DDX19A: variants seen among roughly 807,000 people sequenced by gnomAD.
DDX19A encodes DEAD-box helicase 19A.
DDX19A carries 12 observed loss-of-function variants against 60.6 expected under a neutral mutation model. That is an observed-to-expected ratio of 0.20 (90% confidence interval 0.13 to 0.32). The LOEUF is 0.32. Among genes scored for constraint, DDX19A ranks in the 10% least tolerant of loss-of-function variants. The pLI, the probability that DDX19A is intolerant of heterozygous loss-of-function variation, is 1.00. For synonymous variants in DDX19A, 206 were observed against 218.2 expected (o/e 0.94, Z 0.49); for missense variants, 337 against 600.6 (o/e 0.56, Z 4.59).
intron 1 of DDX19A, among the ~76,000 whole-genome samples, chr16:70,350,337 T>A (rs1963973347): frequency 6.6e-6 from 1 of 152,142 alleles, no homozygotes; most frequent in South Asian, 2.1e-4. Context: ...ACCATTATAT[T>A]TAGTCCACCC....
At chr16:70,358,733 G>T (rs1444095365) in intron 4 of DDX19A, among the ~76,000 whole-genome samples, 1 of 152,060 alleles carries the variant, frequency 6.6e-6, no homozygotes, top group African/African-American at 2.4e-5. Flanking sequence ...TGTAGTCCCG[G>T]CTACTCAGGA....
chr16:70,362,590 C>T (rs1338870083), intron 5 of DDX19A, among the ~76,000 whole-genome samples: 1 of 151,978 alleles, frequency 6.6e-6, no homozygotes, highest in East Asian at 1.9e-4. Context: ...AGACTAAGTT[C>T]CTTTTGAGAC....
At chr16:70,359,845 G>A (rs577631340) in intron 4 of DDX19A, among the ~76,000 whole-genome samples, 17 of 152,162 alleles carry the variant, frequency 1.1e-4, no homozygotes, top group African/African-American at 3.4e-4. Flanking sequence ...GAGTGAGAAC[G>A]TCTCTCAGAA....
intron 2 of DDX19A, among the ~76,000 whole-genome samples, chr16:70,352,115 A>T (rs1455273880): frequency 1.3e-5 from 2 of 152,080 alleles, no homozygotes; most frequent in Non-Finnish European, 2.9e-5. Context: ...CTGTTCATGG[A>T]TTTTTAATAT....
chr16:70,358,441 A>T (rs974401687), intron 4 of DDX19A, among the ~76,000 whole-genome samples: 2 of 149,874 alleles, frequency 1.3e-5, no homozygotes, highest in African/African-American at 4.9e-5. Context: ...AATTGCTAGG[A>T]TTACAGGTGT....
chr16:70,366,672 A>G lies in DDX19A; in HGVS notation c.831A>G (p.Glu277=), dbSNP rs2151642825. Residue 277 remains glutamate (E), a synonymous_variant, in exon 9 of 12, where the codon GAA becomes GAG. Transcript: ENST00000302243. ...TGCTGCTTTTCTCCGCCACCTTTGA[A>G]GACTCTGTGTGGAAGTTTGCCCAGA... is the stretch of plus-strand genomic sequence containing the variant. ...CQMLLFSATF[E]DSVWKFAQKV... is the part of the protein sequence containing the mutation. The G allele has an allele frequency of 1.2e-6, 2 of 1,614,200 alleles. No individual in the cohort carries two copies. Among genetic ancestry groups the G allele is most frequent in the East Asian group, 2.2e-5 (1 of 44,878 alleles).
At position 70,364,658 on chromosome 16, in the gene DDX19A, G is replaced by A; in HGVS notation, c.489+13G>A. 2 of 1,606,538 alleles carry A rather than the reference G, an allele frequency of 1.2e-6. No homozygotes were observed. Among genetic ancestry groups the A allele is most frequent in the East Asian group, 2.2e-5 (1 of 44,846 alleles). ...CAGATACCCCCAGGTGAGGGCTTGCGGGGCTGGGTGTCCTAGGTTGCCTGC... is the reference window on the plus strand; with the variant it reads ...CAGATACCCCCAGGTGAGGGCTTGCAGGGCTGGGTGTCCTAGGTTGCCTGC... On this transcript the variant is annotated intron_variant, in intron 6 of 11. Coordinates refer to ENST00000302243, the MANE Select transcript of DDX19A (RefSeq NM_018332.5).
chr16:70,370,892 A>G, intron 10 of DDX19A: 1 of 205,062 alleles, frequency 4.9e-6, no homozygotes. Context: ...GCTACTCAGG[A>G]GGCTGAGACA....
At chr16:70,362,253 G>C (rs1488184184) in intron 5 of DDX19A, among the ~76,000 whole-genome samples, 1 of 150,226 alleles carries the variant, frequency 6.7e-6, no homozygotes, top group Admixed American at 6.7e-5. Flanking sequence ...AGCTGAGGCA[G>C]GAGAATTGCT....
Position 70,370,253 on chromosome 16 carries a change from G to C in DDX19A, c.1051G>C (p.Glu351Gln), listed in dbSNP as rs752248645. 6.2e-7 allele frequency: 1 copy of C among 1,613,968 alleles called. No individual in the cohort carries two copies. Among genetic ancestry groups the C allele is most frequent in the South Asian group, 1.1e-5 (1 of 91,078 alleles). Reference sequence around the variant, plus strand: ...CAAAACAGCTAGTTGGCTGGCAGCAGAGCTCTCAAAAGAAGGCCACCAGGT... The same window carrying C: ...CAAAACAGCTAGTTGGCTGGCAGCACAGCTCTCAAAAGAAGGCCACCAGGT... ...TRKTASWLAA[E>Q]LSKEGHQVAL... The change falls in exon 10 of 12, where the codon GAG becomes CAG. Residue 351 changes from glutamate to glutamine, a missense_variant. Transcript: ENST00000302243.
At chr16:70,350,200 C>T (rs1001310061) in intron 1 of DDX19A, among the ~76,000 whole-genome samples, 1 of 152,122 alleles carries the variant, frequency 6.6e-6, no homozygotes. Flanking sequence ...CCGCAGTGAG[C>T]CATGATCGTG....
At chr16:70,347,951 A>G (rs1046875382) in intron 1 of DDX19A, 2 of 442,406 alleles carry the variant, frequency 4.5e-6, no homozygotes, top group Non-Finnish European at 9.1e-6. Context: ...CGGCCTCCCA[A>G]AGTGCTGGGA....
At chr16:70,369,177 T>G (rs866089750) in intron 9 of DDX19A, among the ~76,000 whole-genome samples, 2 of 133,046 alleles carry the variant, frequency 1.5e-5, no homozygotes, top group African/African-American at 3.1e-5. Flanking sequence ...AATCTGGTTT[T>G]TTTTTTTTTT....
chr16:70,356,950 CAAA>C (rs762319360), intron 4 of DDX19A: 2,142 of 474,174 alleles, frequency 4.5e-3, no homozygotes, highest in South Asian at 7.4e-3. Context: ...TTTTTTTTTA[CAAA>C]AAAAAAAAAA....
In DDX19A at chr16:70,364,664, G is replaced by C. The variant is rs757806137; in HGVS notation, c.489+19G>C. The C allele has an allele frequency of 3.1e-6, 5 of 1,599,002 alleles. No individual in the cohort carries two copies. Among genetic ancestry groups the C allele is most frequent in the Admixed American group, 1.7e-5 (1 of 59,952 alleles). On this transcript the variant is annotated intron_variant, in intron 6 of 11. Coordinates refer to ENST00000302243, the MANE Select transcript of DDX19A (RefSeq NM_018332.5). ...CCCCCAGGTGAGGGCTTGCGGGGCT[G>C]GGTGTCCTAGGTTGCCTGCCCTGGG...
chr16:70,355,334 C>T, intron 2 of DDX19A, 151 bp from the exon 3 acceptor site: 1 of 598,796 alleles, frequency 1.7e-6, no homozygotes, highest in Non-Finnish European at 2.9e-6. Context: ...AAGGTTGCGC[C>T]ATTGCACTCC....
chr16:70,349,446 T>A (rs533667439), intron 1 of DDX19A, among the ~76,000 whole-genome samples: 1 of 152,178 alleles, frequency 6.6e-6, no homozygotes, highest in South Asian at 2.1e-4. Flanking sequence ...CCCCCTCTTA[T>A]CAGTTCTAGG....
intron 5 of DDX19A, 192 bp downstream of exon 5, chr16:70,361,702 C>G: frequency 9.2e-6 from 5 of 541,670 alleles, no homozygotes; most frequent in Non-Finnish European, 9.8e-6. Context: ...ACAATAGAAA[C>G]TTATAGAGAA....
chr16:70,370,424 G>A (rs763726494), intron 10 of DDX19A, 39 bp downstream of exon 10: 9 of 1,594,726 alleles, frequency 5.6e-6, no homozygotes, highest in East Asian at 2.2e-5. Flanking sequence ...TGCCAGGCTC[G>A]GGGTCCCAGG....
Sources: allele counts gnomAD v4.1 joint callset (sites outside exome capture counted in the v4.1 genomes callset), GRCh38; gene constraint gnomAD v4.1.1; transcripts MANE v1.5; gene names NCBI Gene and HGNC (gene_info 2026-07-23, HGNC 2026-07-21).